The following NRXN3 variants were observed in gnomAD, a reference collection of about 807,000 sequenced individuals.
NRXN3 encodes the protein neurexin 3.
NRXN3 carries 32 observed loss-of-function variants against 137.6 expected under a neutral mutation model. That is an observed-to-expected ratio of 0.23 (90% CI 0.18 to 0.31). The LOEUF (loss-of-function observed/expected upper bound fraction) is 0.31, where lower values mean the gene tolerates loss of function less well. NRXN3 is among the 10% of genes least tolerant of loss of function. The pLI is 1.00. For synonymous variants in NRXN3, 798 were observed against 784.5 expected (o/e 1.02, Z -0.29); for missense variants, 1,574 against 2,062.5 (o/e 0.76, Z 4.59).
At chr14:79,739,648 CAAAAAAAAAAAAA>C (rs72347811) in intron 19 of NRXN3, among the ~76,000 whole-genome samples, 3 of 31,818 alleles carry the variant, frequency 9.4e-5, no homozygotes, top group Admixed American at 1.3e-3. Context: ...GACTCTGCCT[CAAAAAAAAAAAAA>C]AAAAAAAAAA....
intron 8 of NRXN3, among the ~76,000 whole-genome samples, chr14:78,755,681 G>T (rs1199461676): frequency 2.0e-5 from 3 of 152,142 alleles, no homozygotes; most frequent in Non-Finnish European, 2.9e-5. Flanking sequence ...GATTCCATTG[G>T]TATTTCATGG....
intron 10 of NRXN3, among the ~76,000 whole-genome samples, chr14:78,819,362 A>G (rs997912457): frequency 1.3e-5 from 2 of 152,224 alleles, no homozygotes; most frequent in Non-Finnish European, 1.5e-5. Context: ...TAAAAAACCA[A>G]TATAACAATA....
intron 10 of NRXN3, among the ~76,000 whole-genome samples, chr14:78,883,773 G>T (rs990000852): frequency 2.0e-5 from 3 of 152,198 alleles, no homozygotes; most frequent in African/African-American, 7.2e-5. Flanking sequence ...GCTTACTCCA[G>T]CCCAGGTTTG....
At chr14:78,749,349 A>G (rs1234211167) in intron 8 of NRXN3, among the ~76,000 whole-genome samples, 2 of 152,160 alleles carry the variant, frequency 1.3e-5, no homozygotes, top group East Asian at 3.9e-4. Context: ...GCCTACCACT[A>G]TTATTAAGAA....
intron 10 of NRXN3, among the ~76,000 whole-genome samples, chr14:78,927,502 T>A (rs2099309115): frequency 6.6e-6 from 1 of 152,178 alleles, no homozygotes; most frequent in South Asian, 2.1e-4. Context: ...TGACCTCGGC[T>A]GAAACAGCGC....
At chr14:79,467,070 CT>C in intron 15 of NRXN3, 150 bp from the exon 16 acceptor site, 1 of 602,236 alleles carries the variant, frequency 1.7e-6, no homozygotes, top group Admixed American at 3.7e-5. Flanking sequence ...CCTTCAGAAG[CT>C]TTGGGAGCCG....
intron 15 of NRXN3, among the ~76,000 whole-genome samples, chr14:79,146,885 G>A (rs1287855715): frequency 1.3e-5 from 2 of 152,122 alleles, no homozygotes; most frequent in Non-Finnish European, 2.9e-5. Flanking sequence ...ACTGAATGTG[G>A]CCATAAGTTG....
At chr14:79,460,641 T>C (rs1051191073) in intron 15 of NRXN3, among the ~76,000 whole-genome samples, 5 of 152,182 alleles carry the variant, frequency 3.3e-5, no homozygotes, top group African/African-American at 1.2e-4. Context: ...CCTCTGTAGA[T>C]CCTAGAAAGT....
intron 15 of NRXN3, among the ~76,000 whole-genome samples, chr14:79,446,246 G>A (rs375752410): frequency 6.6e-6 from 1 of 152,282 alleles, no homozygotes; most frequent in East Asian, 1.9e-4. Flanking sequence ...GTCTCCTGTT[G>A]TTGTTTCTCA....
At position 78,201,452 on chromosome 14, in the gene NRXN3, G is replaced by A. The variant is rs144903082; in HGVS notation, c.-704+30778G>A. 1.9e-3 allele frequency among the ~76,000 whole-genome samples: 285 copies of A among 152,246 alleles called. 8 individuals carry two copies. The highest frequency in any genetic ancestry group is 2.2e-4 in the Non-Finnish European group (15 of 68,020). ...ATGCATGTCCAGATCTCGAGCTGGT[G>A]CAGAAAAGGTGGTGAGAGGCACCCA... is the stretch of plus-strand genomic sequence containing the variant. On this transcript the variant is annotated intron_variant, in intron 1 of 20. Coordinates refer to ENST00000335750, the MANE Select transcript of NRXN3 (RefSeq NM_001330195.2).
intron 10 of NRXN3, among the ~76,000 whole-genome samples, chr14:78,898,096 CCCTT>C (rs913444574): frequency 1.1e-4 from 17 of 151,856 alleles, no homozygotes; most frequent in African/African-American, 3.6e-4. Flanking sequence ...CACCTCTTCT[CCCTT>C]CCTTCTTTTT....
At chr14:79,423,457 A>G (rs1261490015) in intron 15 of NRXN3, among the ~76,000 whole-genome samples, 1 of 152,210 alleles carries the variant, frequency 6.6e-6, no homozygotes, top group Non-Finnish European at 1.5e-5. Context: ...GTGATACTGC[A>G]TTCTCAAATA....
chr14:79,168,876 G>A (rs544565516), intron 15 of NRXN3, among the ~76,000 whole-genome samples: 3 of 152,146 alleles, frequency 2.0e-5, no homozygotes, highest in African/African-American at 7.2e-5. Flanking sequence ...GTGCTACTAA[G>A]TGCATTACTT....
chr14:79,692,209 A>C lies in NRXN3; in HGVS notation c.3653A>C (p.Gln1218Pro). The change falls in exon 18 of 21, where the codon CAG (glutamine) becomes CCG (proline). Residue 1218 changes from glutamine to proline, a missense_variant. Transcript: ENST00000335750. Reference sequence around the variant, plus strand: ...AATGAACGCTTCCAAATGGTAAAACAGAAAATCCCCTTCAAATATAATCGG... The same window carrying C: ...AATGAACGCTTCCAAATGGTAAAACCGAAAATCCCCTTCAAATATAATCGG... ...TDNERFQMVKQKIPFKYNRPV... is the reference protein window; with the variant it reads ...TDNERFQMVKPKIPFKYNRPV... 6.2e-7 allele frequency: 1 copy of C among 1,610,398 alleles called. No individual in the cohort carries two copies. Among genetic ancestry groups the C allele is most frequent in the Non-Finnish European group, 8.5e-7 (1 of 1,178,248 alleles).
chr14:79,752,439 A>G (rs922963408), intron 19 of NRXN3, among the ~76,000 whole-genome samples: 5 of 152,156 alleles, frequency 3.3e-5, no homozygotes, highest in African/African-American at 1.2e-4. Context: ...CTGATCTTTG[A>G]CAAACCTGAG....
At chr14:79,220,117 C>A (rs2069288673) in intron 15 of NRXN3, among the ~76,000 whole-genome samples, 1 of 152,162 alleles carries the variant, frequency 6.6e-6, no homozygotes, top group Non-Finnish European at 1.5e-5. Flanking sequence ...TGCATGCTAT[C>A]TTTATTTCTT....
intron 4 of NRXN3, among the ~76,000 whole-genome samples, chr14:78,501,420 G>T (rs918320368): frequency 1.3e-5 from 2 of 152,172 alleles, no homozygotes; most frequent in East Asian, 3.9e-4. Context: ...TGGCATGGCA[G>T]CTTGCTTTAC....
chr14:79,374,905 A>G (rs551214302), intron 15 of NRXN3, among the ~76,000 whole-genome samples: 16 of 152,312 alleles, frequency 1.1e-4, no homozygotes, highest in African/African-American at 3.8e-4. Context: ...TTGGCTCAGA[A>G]TAAACCTCTT....
At chr14:78,334,888 A>G (rs576316118) in intron 4 of NRXN3, among the ~76,000 whole-genome samples, 2 of 152,262 alleles carry the variant, frequency 1.3e-5, no homozygotes, top group South Asian at 4.1e-4. Context: ...CTAGGGCTGG[A>G]CGGAGCAGTG....
Sources: allele counts gnomAD v4.1 joint callset (sites outside exome capture counted in the v4.1 genomes callset), GRCh38; gene constraint gnomAD v4.1.1; transcripts MANE v1.5; gene names NCBI Gene and HGNC (gene_info 2026-07-23, HGNC 2026-07-21).